DLGAP2: variants seen among roughly 807,000 people sequenced by gnomAD.
DLGAP2 encodes disks large-associated protein 2.
A neutral mutation model predicts 100.3 loss-of-function variants in DLGAP2; 26 were observed. That is an observed-to-expected ratio of 0.26 (90% CI 0.19 to 0.36). The LOEUF (loss-of-function observed/expected upper bound fraction) is 0.36. Among genes scored for constraint, DLGAP2 ranks in the 10% least tolerant of loss-of-function variants. The probability of loss-of-function intolerance (pLI) is 1.00; values close to 1 mark genes in which losing one functional copy is unlikely to be tolerated. For missense variants in DLGAP2, 1,858 were observed against 1,453.2 expected (o/e 1.28, Z -4.53); for synonymous variants, 886 against 630.1 (o/e 1.41, Z -6.08).
In DLGAP2 at chr8:1,258,872, G is replaced by T; in HGVS notation, c.95G>T (p.Gly32Val). The T allele has an allele frequency of 8.1e-7, 1 of 1,231,790 alleles. No homozygotes were observed. Among genetic ancestry groups the T allele is most frequent in the South Asian group, 4.1e-5 (1 of 24,314 alleles). 76.3% of individuals were successfully genotyped at this position (1,231,790 alleles called of 1,614,324 possible). ...RNTESQCTLC[G>V]EPEEEEAGDL... Reference sequence around the variant, plus strand: ...TCAGAGTCGCAGTGCACGCTCTGCGGGGAGCCGGAAGGTGAGTACCTGACA... The same window carrying T: ...TCAGAGTCGCAGTGCACGCTCTGCGTGGAGCCGGAAGGTGAGTACCTGACA... Residue 32 changes from glycine (G) to valine (V), a missense_variant, in exon 3 of 15, where the codon GGG (glycine) becomes GTG (valine). Coordinates refer to ENST00000637795, the MANE Select transcript of DLGAP2 (RefSeq NM_001346810.2).
At chr8:1,283,867 A>G (rs1799870645) in intron 3 of DLGAP2, among the ~76,000 whole-genome samples, 1 of 152,262 alleles carries the variant, frequency 6.6e-6, no homozygotes, top group Admixed American at 6.5e-5. Flanking sequence ...TTCGTGGGAT[A>G]CAATCACACA....
intron 2 of DLGAP2, among the ~76,000 whole-genome samples, chr8:1,011,369 C>G (rs1024164057): frequency 6.8e-6 from 1 of 147,370 alleles, no homozygotes; most frequent in African/African-American, 2.5e-5. Context: ...AATGAGGGGT[C>G]TCAGTCTACA....
At chr8:1,442,611 G>A (rs531407693) in intron 3 of DLGAP2, among the ~76,000 whole-genome samples, 3 of 146,238 alleles carry the variant, frequency 2.1e-5, no homozygotes, top group African/African-American at 7.8e-5. Context: ...GACGGATCGG[G>A]GCATAGACCC....
At chr8:897,566 G>A (rs1798167232) in intron 1 of DLGAP2, among the ~76,000 whole-genome samples, 1 of 152,156 alleles carries the variant, frequency 6.6e-6, no homozygotes, top group South Asian at 2.1e-4. Flanking sequence ...GTAAGAAGCC[G>A]AGGAGTCACG....
At chr8:842,591 T>A (rs1797002651) in intron 1 of DLGAP2, among the ~76,000 whole-genome samples, 2 of 150,710 alleles carry the variant, frequency 1.3e-5, no homozygotes, top group Non-Finnish European at 2.9e-5. Flanking sequence ...GTCAAACTTT[T>A]AAGTTTTCAG....
chr8:1,215,088 A>G (rs577883662), intron 2 of DLGAP2, among the ~76,000 whole-genome samples: 5 of 152,352 alleles, frequency 3.3e-5, no homozygotes, highest in African/African-American at 1.2e-4. Context: ...AGGAAACAGT[A>G]AAGGTCGTCA....
chr8:930,486 T>G (rs1305536467), intron 2 of DLGAP2, among the ~76,000 whole-genome samples: 1 of 152,218 alleles, frequency 6.6e-6, no homozygotes, highest in Non-Finnish European at 1.5e-5. Flanking sequence ...GAGGGTTCTC[T>G]GCAGAAAAGG....
At chr8:1,432,022 C>T (rs983816112) in intron 3 of DLGAP2, among the ~76,000 whole-genome samples, 3 of 151,460 alleles carry the variant, frequency 2.0e-5, no homozygotes, top group Non-Finnish European at 2.9e-5. Context: ...CAGCCAGCAC[C>T]GCTACGGCTG....
rs547601265 is a variant in DLGAP2 at position 981,498 on chromosome 8, G to C, written c.73+73532G>C. Among the ~76,000 whole-genome samples the C allele has an allele frequency of 4.6e-5, 7 of 152,236 alleles. No individual in the cohort carries two copies. The East Asian group carries it at 9.7e-4, about 21-fold the overall frequency. ...AATCTGTTTAACCTTTTAAGGAATA[G>C]TCAAACTGTTTGCACAGCAGCTGCG... is the stretch of plus-strand genomic sequence containing the variant. On this transcript the variant is annotated intron_variant, in intron 2 of 14. Transcript: ENST00000637795.
chr8:785,931 A>G (rs1821850278), intron 1 of DLGAP2, among the ~76,000 whole-genome samples: 1 of 152,120 alleles, frequency 6.6e-6, no homozygotes, highest in Admixed American at 6.5e-5. Context: ...GCAGAGACCG[A>G]ATGAATGAAT....
chr8:1,000,610 G>A (rs1466927333), intron 2 of DLGAP2, among the ~76,000 whole-genome samples: 1 of 152,206 alleles, frequency 6.6e-6, no homozygotes, highest in African/African-American at 2.4e-5. Context: ...ATTTACGGAT[G>A]CATTTTTGTT....
In DLGAP2 at chr8:1,205,704, G is replaced by A. The variant is rs193066095; in HGVS notation, c.74-53147G>A. ...GAGGTGACCGGAGCACTGGGATTCG[G>A]ACAGGTTCTCAGCGTCTCCATTTCC... On this transcript the variant is annotated intron_variant, in intron 2 of 14. Coordinates refer to ENST00000637795, the MANE Select transcript of DLGAP2 (RefSeq NM_001346810.2). Among the ~76,000 whole-genome samples, 347 of 152,312 alleles carry A rather than the reference G, an allele frequency of 2.3e-3. 2 individuals carry two copies. Among genetic ancestry groups the A allele is most frequent in the Non-Finnish European group, 4.1e-3 (282 of 68,022 alleles).
intron 2 of DLGAP2, among the ~76,000 whole-genome samples, chr8:1,107,549 G>A (rs944169212): frequency 1.3e-5 from 2 of 152,188 alleles, no homozygotes; most frequent in Non-Finnish European, 2.9e-5. Flanking sequence ...CTCGTGTGCT[G>A]TTATTTTCCA....
chr8:1,632,920 C>T lies in DLGAP2; in HGVS notation c.1684C>T (p.Pro562Ser). ...TCAGGCCATGGATGCCCTCGACCTCCCGGGATGTTTCCGAACAAGGAGTCA... is the reference window on the plus strand; with the variant it reads ...TCAGGCCATGGATGCCCTCGACCTCTCGGGATGTTTCCGAACAAGGAGTCA... The part of the protein sequence containing the change: ...ESQAMDALDL[P>S]GCFRTRSHSY... Residue 562 changes from proline (P) to serine (S), a missense_variant, in exon 8 of 15, where the codon CCG (proline) becomes TCG (serine). Pro to Ser is a moderately conservative substitution (Grantham distance 74, BLOSUM62 -1). Transcript: ENST00000637795. 6.2e-7 allele frequency: 1 copy of T among 1,613,980 alleles called. No homozygotes were observed. Among genetic ancestry groups the T allele is most frequent in the Non-Finnish European group, 8.5e-7 (1 of 1,179,896 alleles).
At chr8:988,304 G>T (rs185593402) in intron 2 of DLGAP2, among the ~76,000 whole-genome samples, 47 of 152,206 alleles carry the variant, frequency 3.1e-4, no homozygotes, top group African/African-American at 1.0e-3. Flanking sequence ...TTAGCTTCAG[G>T]GTCACTGTGG....
chr8:1,155,354 C>T (rs187210153), intron 2 of DLGAP2, among the ~76,000 whole-genome samples: 1 of 152,196 alleles, frequency 6.6e-6, no homozygotes, highest in African/African-American at 2.4e-5. Context: ...GAGGGGCATC[C>T]GGGCTGGGGG....
Position 1,535,609 on chromosome 8 carries a change from A to G in DLGAP2, c.173-13017A>G, listed in dbSNP as rs1369169945. On this transcript the variant is annotated intron_variant, in intron 4 of 14. Transcript: ENST00000637795. ...ATGTGTGATGGATTTGGTTTTACCA[A>G]AAATGGCAAATGTGGAGTTATTTTT... 2.6e-5 allele frequency among the ~76,000 whole-genome samples: 4 copies of G among 152,254 alleles called. No individual in the cohort carries two copies. The South Asian group carries it at 8.3e-4, about 31-fold the overall frequency.
Position 1,316,064 on chromosome 8 carries a change from T to C in DLGAP2, c.106+57181T>C, listed in dbSNP as rs368805991. 1.0e-2 allele frequency among the ~76,000 whole-genome samples: 832 copies of C among 83,334 alleles called. 2 individuals are homozygous for C. Among genetic ancestry groups the C allele is most frequent in the Middle Eastern group, 0.027 (3 of 110 alleles). The allele number at this position is 83,334 out of a possible 152,430, so 54.7% of individuals were successfully genotyped here. A position where few individuals can be genotyped will look rare whatever the true frequency, so the allele number is the denominator to read the frequency against. Reference sequence around the variant, plus strand: ...GCAGCTTTTAAAAATAGAGCGTGTGTGAGTGCAGCGTCTCTCCCACAGTGG... The same window carrying C: ...GCAGCTTTTAAAAATAGAGCGTGTGCGAGTGCAGCGTCTCTCCCACAGTGG... On this transcript the variant is annotated intron_variant, in intron 3 of 14. Transcript: ENST00000637795.
intron 1 of DLGAP2, 129 bp from the exon 2 acceptor site, chr8:907,783 C>G (rs1394675910): frequency 2.5e-6 from 1 of 393,316 alleles, no homozygotes; most frequent in East Asian, 3.6e-5. Context: ...TTTGTTAGGC[C>G]TTTCTGGGCA....
Sources: allele counts gnomAD v4.1 joint callset (sites outside exome capture counted in the v4.1 genomes callset), GRCh38; gene constraint gnomAD v4.1.1; transcripts MANE v1.5; gene names NCBI Gene and HGNC (gene_info 2026-07-23, HGNC 2026-07-21).